The following LUC7L variants were observed in gnomAD, a reference collection of about 807,000 sequenced individuals.
LUC7L encodes the protein LUC7 like, also known as putative RNA-binding protein Luc7-like 1.
LUC7L carries 29 observed loss-of-function variants against 51.1 expected under a neutral mutation model. That is an observed-to-expected ratio of 0.57 (90% CI 0.42 to 0.77). The LOEUF is 0.77. Among genes scored for constraint, LUC7L ranks in the 30% least tolerant of loss-of-function variants. The probability of loss-of-function intolerance (pLI) is 0.00; values close to 1 mark genes in which losing one functional copy is unlikely to be tolerated. For synonymous variants in LUC7L, 181 were observed against 180.7 expected (o/e 1.00, Z -0.01); for missense variants, 403 against 511.9 (o/e 0.79, Z 2.05).
intron 2 of LUC7L, among the ~76,000 whole-genome samples, chr16:222,111 C>T (rs1417421296): frequency 1.3e-5 from 2 of 152,058 alleles, no homozygotes; most frequent in Non-Finnish European, 1.5e-5. Flanking sequence ...TTATGTGTAC[C>T]ATATGCAGTA....
At chr16:195,145 A>C (rs1035338466) in intron 6 of LUC7L, among the ~76,000 whole-genome samples, 6 of 152,106 alleles carry the variant, frequency 3.9e-5, no homozygotes, top group Non-Finnish European at 7.4e-5. Flanking sequence ...GATGGCATTT[A>C]AGCCAGGTAC....
chr16:227,129 C>T (rs1333981727), intron 2 of LUC7L, 113 bp downstream of exon 2: 2 of 772,476 alleles, frequency 2.6e-6, no homozygotes, highest in Non-Finnish European at 4.3e-6. Flanking sequence ...ATAATTAAGC[C>T]ACTTAGAGAA....
chr16:207,901 C>T (rs914921203), intron 4 of LUC7L, among the ~76,000 whole-genome samples, 177 bp downstream of exon 4: 3 of 151,890 alleles, frequency 2.0e-5, no homozygotes, highest in African/African-American at 7.3e-5. Context: ...CCCAGCTACT[C>T]GGGAGGCTGA....
At chr16:195,434 G>GA (rs111478679) in intron 6 of LUC7L, among the ~76,000 whole-genome samples, 2,241 of 144,864 alleles carry the variant, frequency 0.015, 43 homozygotes, top group African/African-American at 0.051. Flanking sequence ...CCCTGTCTCT[G>GA]AAAAAAAAAA....
intron 5 of LUC7L, among the ~76,000 whole-genome samples, chr16:203,149 A>C (rs2049381157): frequency 6.6e-6 from 1 of 152,122 alleles, no homozygotes; most frequent in South Asian, 2.1e-4. Flanking sequence ...CTCCGTGTAA[A>C]AAAAAAGTAT....
At chr16:228,781 G>A (rs1395816752) in intron 1 of LUC7L, 2 of 1,285,102 alleles carry the variant, frequency 1.6e-6, no homozygotes, top group Non-Finnish European at 2.0e-6. Context: ...GTACTTGGCA[G>A]AAACCCACGT....
intron 1 of LUC7L, chr16:228,143 G>C: frequency 2.6e-6 from 3 of 1,142,116 alleles, no homozygotes; most frequent in Non-Finnish European, 3.3e-6. Context: ...TTTAAAGCTA[G>C]TCTGTGTATA....
intron 5 of LUC7L, among the ~76,000 whole-genome samples, chr16:202,868 C>T (rs747129776): frequency 2.0e-5 from 3 of 152,158 alleles, no homozygotes; most frequent in Non-Finnish European, 4.4e-5. Context: ...TCAAAGACAG[C>T]CAGGAGCAGT....
intron 2 of LUC7L, among the ~76,000 whole-genome samples, chr16:221,042 A>T (rs1360171378): frequency 6.6e-6 from 1 of 152,164 alleles, no homozygotes; most frequent in Non-Finnish European, 1.5e-5. Context: ...GCCAGTTTTT[A>T]AGGAGTCTCA....
At position 189,174 on chromosome 16, in the gene LUC7L, ATT is replaced by A; in HGVS notation, c.*22_*23del. ...AGACTGTGTGAACGTTTATCAGACTATTTACAGCACCCGGGAGACGGGTTCAG... is the reference window on the plus strand; with the variant it reads ...AGACTGTGTGAACGTTTATCAGACTATACAGCACCCGGGAGACGGGTTCAG... On this transcript the variant is annotated 3_prime_UTR_variant, in exon 10 of 10. Coordinates refer to ENST00000293872, the MANE Select transcript of LUC7L (RefSeq NM_201412.3). 8 of 1,603,626 alleles carry A rather than the reference ATT, an allele frequency of 5.0e-6. No individual in the cohort carries two copies. The highest frequency in any genetic ancestry group is 6.8e-6 in the Non-Finnish European group (8 of 1,173,188).
intron 3 of LUC7L, among the ~76,000 whole-genome samples, chr16:214,196 T>C (rs1467794716): frequency 6.6e-6 from 1 of 152,196 alleles, no homozygotes; most frequent in Non-Finnish European, 1.5e-5. Flanking sequence ...GCTTCCTGAG[T>C]AGCTGGGATT....
In LUC7L at chr16:192,415, T is replaced by C. The variant is rs557311052; in HGVS notation, c.776+512A>G. On this transcript the variant is annotated intron_variant, in intron 7 of 9. Transcript: ENST00000293872. ...GTGCCCACACACAGCCTCCAACAGC[T>C]TGGATCCCTTACCTGACTGCCATGC... 5.1e-3 allele frequency among the ~76,000 whole-genome samples: 776 copies of C among 152,100 alleles called. 1 individual carries two copies. The highest frequency in any genetic ancestry group is 7.3e-3 in the Non-Finnish European group (499 of 68,002).
At chr16:203,088 T>C (rs1401039193) in intron 5 of LUC7L, among the ~76,000 whole-genome samples, 1 of 152,006 alleles carries the variant, frequency 6.6e-6, no homozygotes, top group African/African-American at 2.4e-5. Flanking sequence ...GAGTTGGAGG[T>C]TGCAGCGAGC....
intron 5 of LUC7L, among the ~76,000 whole-genome samples, chr16:202,339 T>C (rs1596623060): frequency 6.6e-6 from 1 of 152,140 alleles, no homozygotes; most frequent in East Asian, 1.9e-4. Flanking sequence ...CATTGATGAG[T>C]GAACCACCCC....
chr16:225,005 C>T (rs2050090441), intron 2 of LUC7L, among the ~76,000 whole-genome samples: 1 of 152,148 alleles, frequency 6.6e-6, no homozygotes, highest in Non-Finnish European at 1.5e-5. Context: ...ACTGGCCATT[C>T]CCCTGGATGC....
chr16:219,737 C>T (rs192170889), intron 3 of LUC7L, among the ~76,000 whole-genome samples: 2 of 151,946 alleles, frequency 1.3e-5, no homozygotes, highest in East Asian at 1.9e-4. Flanking sequence ...CCGGGCATGG[C>T]GGCTCATGCC....
At chr16:190,200 C>T in intron 8 of LUC7L, 65 bp from the exon 9 acceptor site, 1 of 1,383,460 alleles carries the variant, frequency 7.2e-7, no homozygotes, top group Non-Finnish European at 1.0e-6. Context: ...GGCCCCACCC[C>T]TCAGCAGATT....
intron 5 of LUC7L, among the ~76,000 whole-genome samples, 173 bp downstream of exon 5, chr16:205,831 C>T (rs1056366629): frequency 2.6e-5 from 4 of 152,130 alleles, no homozygotes; most frequent in African/African-American, 7.2e-5. Context: ...CCTCGTGATC[C>T]GCCCGCCTCG....
chr16:189,472 G>T, intron 9 of LUC7L, 133 bp from the exon 10 acceptor site: 1 of 1,427,352 alleles, frequency 7.0e-7, no homozygotes, highest in Non-Finnish European at 9.1e-7. Context: ...CCCCCCGGAG[G>T]CCAACCAGAC....
Sources: gnomAD v4.1 joint callset for allele counts (sites outside exome capture counted in the v4.1 genomes callset) on GRCh38, gnomAD v4.1.1 for gene constraint, MANE v1.5 for transcripts, NCBI Gene and HGNC (gene_info 2026-07-23, HGNC 2026-07-21) for gene names.